Variants in CCNH observed in about 807,000 individuals in gnomAD.
The protein encoded by CCNH is cyclin-H.
In CCNH, 31 loss-of-function variants were observed where a neutral mutation model predicts 41.9. That is an observed-to-expected ratio of 0.74 (90% confidence interval 0.56 to 1.00). The LOEUF (loss-of-function observed/expected upper bound fraction) is 1.00. Ranked by LOEUF, CCNH falls within the 50% of genes least tolerant of loss-of-function variation. The pLI is 0.00. For synonymous variants in CCNH, 138 were observed against 136.1 expected (o/e 1.01, Z -0.10); for missense variants, 362 against 388.4 (o/e 0.93, Z 0.57).
At chr5:87,378,300 A>G, upstream of CCNH, 1 of 1,413,088 alleles carries the variant, frequency 7.1e-7, no homozygotes, top group Non-Finnish European at 1.0e-6. Flanking sequence ...TTAAGTGGCT[A>G]TTCCTGTTGA....
chr5:87,412,294 C>T (rs1580472394), intron 1 of CCNH: 2 of 499,350 alleles, frequency 4.0e-6, no homozygotes, highest in East Asian at 2.1e-4. Flanking sequence ...TGACCTCCCT[C>T]CCACTCTGAA....
chr5:87,383,591 T>C, intron 9 of CCNH: 3 of 696,404 alleles, frequency 4.3e-6, no homozygotes, highest in Non-Finnish European at 7.1e-6. Context: ...CTTTTATTGG[T>C]TTAGAGTGAA....
At chr5:87,383,053 C>T (rs1761832492) in intron 9 of CCNH, among the ~76,000 whole-genome samples, 1 of 151,962 alleles carries the variant, frequency 6.6e-6, no homozygotes, top group Admixed American at 6.6e-5. Flanking sequence ...GATTGTGGGC[C>T]ACTGCACTCC....
exon 10 of CCNH, chr5:87,318,763 A>G (rs1353565275): frequency 2.0e-5 from 3 of 152,000 alleles, no homozygotes; most frequent in Admixed American, 6.6e-5. Context: ...CCTCTCCCAA[A>G]TCTCATATTA....
In CCNH at chr5:87,320,617, G is replaced by C. The variant is rs185824340; in HGVS notation, c.*91-1720C>G. 1.7e-3 allele frequency among the ~76,000 whole-genome samples: 253 copies of C among 152,258 alleles called. 1 individual carries two copies. Among genetic ancestry groups the C allele is most frequent in the Middle Eastern group, 6.8e-3 (2 of 294 alleles). On this transcript the variant is annotated intron_variant and NMD_transcript_variant, in intron 9 of 9. Coordinates refer to the CCNH transcript ENST00000645953. ...ATCTTGCGGGAATTTACTATCACGA[G>C]AACAGCAAGGGGAAATTTGCCTTCA...
chr5:87,350,926 A>G (rs1223434813), intron 9 of CCNH, among the ~76,000 whole-genome samples: 3 of 151,744 alleles, frequency 2.0e-5, no homozygotes, highest in Non-Finnish European at 3.0e-5. Flanking sequence ...TTGGAAATAT[A>G]TATTTCATTT....
At chr5:87,378,501 C>G (rs1236053304), upstream of CCNH, 1 of 1,611,522 alleles carries the variant, frequency 6.2e-7, no homozygotes, top group Non-Finnish European at 8.5e-7. Flanking sequence ...TTGAAAGACT[C>G]TATTTTAAAG....
intron 9 of CCNH, among the ~76,000 whole-genome samples, chr5:87,348,584 G>GAATC (rs2112419576): frequency 6.6e-6 from 1 of 151,678 alleles, no homozygotes; most frequent in South Asian, 2.1e-4. Flanking sequence ...CAGTTGTTTT[G>GAATC]AATCTACCTT....
intron 9 of CCNH, among the ~76,000 whole-genome samples, chr5:87,333,791 CTG>C (rs1757763848): frequency 6.6e-6 from 1 of 152,090 alleles, no homozygotes; most frequent in African/African-American, 2.4e-5. Flanking sequence ...ATCAGATTAT[CTG>C]TGTCTTTCTA....
chr5:87,347,060 A>G (rs1228711601), intron 9 of CCNH, among the ~76,000 whole-genome samples: 1 of 152,000 alleles, frequency 6.6e-6, no homozygotes, highest in African/African-American at 2.4e-5. Context: ...GGAACATGCA[A>G]CACACTTTTT....
chr5:87,338,514 TATATATATATATATATATAAAA>T (rs1365377824), intron 9 of CCNH, among the ~76,000 whole-genome samples: 2 of 98,790 alleles, frequency 2.0e-5, no homozygotes, highest in Admixed American at 2.1e-4. Flanking sequence ...TATATATATA[TATATATATATATATATATAAAA>T]TTTTTTTTTT....
At chr5:87,390,371 G>C (rs1762412139), downstream of CCNH, among the ~76,000 whole-genome samples, 1 of 152,056 alleles carries the variant, frequency 6.6e-6, no homozygotes, top group African/African-American at 2.4e-5. Context: ...TGAGTTTGGT[G>C]ACTGAGTTCT....
At chr5:87,343,640 T>C (rs1269745094) in intron 9 of CCNH, among the ~76,000 whole-genome samples, 1 of 152,080 alleles carries the variant, frequency 6.6e-6, no homozygotes, top group East Asian at 1.9e-4. Flanking sequence ...ATGAGTGCAG[T>C]TACTATAGAG....
At chr5:87,354,862 TAGAGAA>T (rs1759535233) in intron 9 of CCNH, among the ~76,000 whole-genome samples, 1 of 152,148 alleles carries the variant, frequency 6.6e-6, no homozygotes, top group South Asian at 2.1e-4. Flanking sequence ...ATTGCTGATA[TAGAGAA>T]AATTTGAGTG....
intron 9 of CCNH, among the ~76,000 whole-genome samples, chr5:87,365,506 C>T (rs1184986924): frequency 6.6e-6 from 1 of 151,810 alleles, no homozygotes; most frequent in Non-Finnish European, 1.5e-5. Context: ...TACCTTTTTT[C>T]GATTAACAGA....
intron 4 of CCNH, 137 bp from the exon 5 acceptor site, chr5:87,405,144 G>T: frequency 1.7e-6 from 1 of 597,232 alleles, no homozygotes; most frequent in East Asian, 3.0e-5. Context: ...AATTGACACT[G>T]TCCTCAATTT....
At chr5:87,350,248 TA>T (rs1014731712) in intron 9 of CCNH, among the ~76,000 whole-genome samples, 1 of 151,876 alleles carries the variant, frequency 6.6e-6, no homozygotes, top group African/African-American at 2.4e-5. Context: ...GATGTGAGTC[TA>T]GGCAGCTGTA....
At chr5:87,391,813 C>G (rs547618387), downstream of CCNH, 1 of 231,760 alleles carries the variant, frequency 4.3e-6, no homozygotes, top group South Asian at 1.8e-4. Flanking sequence ...GTTGTATCTG[C>G]TGGATATTTA....
chr5:87,399,752 A>G (rs1476048479), intron 6 of CCNH, among the ~76,000 whole-genome samples: 1 of 152,154 alleles, frequency 6.6e-6, no homozygotes, highest in Non-Finnish European at 1.5e-5. Flanking sequence ...GCACACTATA[A>G]TCTAGCATTA....
Sources: gnomAD v4.1 joint callset for allele counts (sites outside exome capture counted in the v4.1 genomes callset) on GRCh38, gnomAD v4.1.1 for gene constraint, MANE v1.5 for transcripts, NCBI Gene and HGNC (gene_info 2026-07-23, HGNC 2026-07-21) for gene names.